The following ADARB1 variants were observed in gnomAD, a reference collection of about 807,000 sequenced individuals.
ADARB1 encodes adenosine deaminase RNA specific B1.
In ADARB1, 10 loss-of-function variants were observed where a neutral mutation model predicts 52.4. The ratio of observed to expected loss-of-function variants is 0.19; its 90% CI spans 0.12 to 0.32. ADARB1 has a LOEUF of 0.32. Among genes scored for constraint, ADARB1 ranks in the 10% least tolerant of loss-of-function variants. The probability of loss-of-function intolerance (pLI) is 1.00; values close to 1 mark genes in which losing one functional copy is unlikely to be tolerated. For synonymous variants in ADARB1, 349 were observed against 371.1 expected (o/e 0.94, Z 0.68); for missense variants, 643 against 922.3 (o/e 0.70, Z 3.92).
chr21:45,121,162 G>T (rs183567202), intron 1 of ADARB1, among the ~76,000 whole-genome samples: 1 of 151,780 alleles, frequency 6.6e-6, no homozygotes, highest in African/African-American at 2.4e-5. Context: ...TTTTTTGTTC[G>T]CTGGAACGGT....
chr21:45,074,620 G>GGCGGCA lies in ADARB1; in HGVS notation c.-391_-390insGGCAGC. On this transcript the variant is annotated 5_prime_UTR_variant, in exon 1 of 11. Coordinates refer to ENST00000348831, the MANE Select transcript of ADARB1 (RefSeq NM_001112.4). ...CCGTGGCGGCGGCGGCGGCGGCGGC[G>GGCGGCA]GCAGCGGCGGCCAAGCGGCCAGGTT... is the stretch of plus-strand genomic sequence containing the variant. The GGCGGCA allele has an allele frequency of 6.7e-6, 1 of 149,074 alleles. No individual in the cohort carries two copies. Among genetic ancestry groups the GGCGGCA allele is most frequent in the Non-Finnish European group, 1.5e-5 (1 of 68,340 alleles). 9.2% of individuals were successfully genotyped at this position (149,074 alleles called of 1,614,324 possible).
At chr21:45,206,913 A>C (rs2092678926) in intron 9 of ADARB1, among the ~76,000 whole-genome samples, 1 of 152,130 alleles carries the variant, frequency 6.6e-6, no homozygotes, top group South Asian at 2.1e-4. Flanking sequence ...GCACATTACC[A>C]AACCCCTCCC....
chr21:45,075,773 T>A (rs895122640), intron 1 of ADARB1, among the ~76,000 whole-genome samples: 5 of 152,212 alleles, frequency 3.3e-5, no homozygotes, highest in Non-Finnish European at 7.3e-5. Context: ...TGGTGTTTAG[T>A]TCCCAGTTAA....
chr21:45,158,238 TG>T (rs1464071154), intron 2 of ADARB1, among the ~76,000 whole-genome samples: 5 of 150,036 alleles, frequency 3.3e-5, no homozygotes, highest in Non-Finnish European at 7.4e-5. Context: ...CTTCTCGGGT[TG>T]GGGCGGGAGG....
rs1035911028 is a variant in ADARB1, at chr21:45,097,548, G to A, written c.-220+22755G>A. ...GGAGAACAGGTGGAGAGCAGACGCCGAGGGGCCGCTGTCCAGGCAGGAGTG... is the reference window on the plus strand; with the variant it reads ...GGAGAACAGGTGGAGAGCAGACGCCAAGGGGCCGCTGTCCAGGCAGGAGTG... On this transcript the variant is annotated intron_variant, in intron 1 of 10. Coordinates refer to ENST00000348831, the MANE Select transcript of ADARB1 (RefSeq NM_001112.4). 2.4e-4 allele frequency among the ~76,000 whole-genome samples: 37 copies of A among 152,136 alleles called. 1 individual carries two copies. Among genetic ancestry groups the A allele is most frequent in the African/African-American group, 7.7e-4 (32 of 41,500 alleles).
At chr21:45,168,330 A>G (rs1371923946) in intron 2 of ADARB1, among the ~76,000 whole-genome samples, 8 of 152,006 alleles carry the variant, frequency 5.3e-5, no homozygotes, top group Non-Finnish European at 7.4e-5. Flanking sequence ...TTTAACTTCC[A>G]GTTTATCAGT....
intron 2 of ADARB1, among the ~76,000 whole-genome samples, chr21:45,155,715 T>C (rs2145978706): frequency 6.8e-6 from 1 of 146,354 alleles, no homozygotes; most frequent in Non-Finnish European, 1.5e-5. Context: ...ACCCATCTAT[T>C]CATCCATCCA....
chr21:45,187,181 T>C (rs1456212589), intron 8 of ADARB1, among the ~76,000 whole-genome samples: 3 of 152,238 alleles, frequency 2.0e-5, no homozygotes, highest in Non-Finnish European at 4.4e-5. Context: ...TTTATTTGTA[T>C]CTTCATTTCT....
chr21:45,192,439 C>T (rs566591145), intron 8 of ADARB1, among the ~76,000 whole-genome samples: 2 of 152,292 alleles, frequency 1.3e-5, no homozygotes, highest in South Asian at 4.2e-4. Context: ...GAATCTGAGC[C>T]TGTCATGTGG....
chr21:45,096,900 C>T lies in ADARB1; in HGVS notation c.-220+22107C>T, dbSNP rs549700523. 1.2e-3 allele frequency among the ~76,000 whole-genome samples: 189 copies of T among 152,270 alleles called. 1 individual carries two copies. Among genetic ancestry groups the T allele is most frequent in the Admixed American group, 3.9e-3 (60 of 15,292 alleles). On this transcript the variant is annotated intron_variant, in intron 1 of 10. Coordinates refer to ENST00000348831, the MANE Select transcript of ADARB1 (RefSeq NM_001112.4). ...AACCACAGGCGCCTGCCACCACGCC[C>T]GGCTAATTTTTTGTATTTTTAGTAG...
intron 1 of ADARB1, among the ~76,000 whole-genome samples, chr21:45,091,429 T>C (rs2086557516): frequency 6.6e-6 from 1 of 152,230 alleles, no homozygotes; most frequent in Non-Finnish European, 1.5e-5. Context: ...GTTGTAATAC[T>C]ACAGTTTGGT....
chr21:45,117,342 A>G (rs2087888298), intron 1 of ADARB1, among the ~76,000 whole-genome samples: 1 of 152,188 alleles, frequency 6.6e-6, no homozygotes. Context: ...GTGTGTGTGT[A>G]CATAGGAAAA....
Position 45,223,510 on chromosome 21 carries a change from G to T in ADARB1, c.*1313G>T, listed in dbSNP as rs2093001608. 1.0e-6 allele frequency: 1 copy of T among 985,546 alleles called. No individual in the cohort carries two copies. The highest frequency in any genetic ancestry group is 6.1e-5 in the Admixed American group (1 of 16,276). The allele number at this position is 985,546 out of a possible 1,614,324, so 61.1% of individuals were successfully genotyped here. Reference sequence around the variant, plus strand: ...CTTGTTGCCTCCGCTCAGGATGAAAGAGGAGCTGAGAGAAGTGCTCTGCCT... The same window carrying T: ...CTTGTTGCCTCCGCTCAGGATGAAATAGGAGCTGAGAGAAGTGCTCTGCCT... On this transcript the variant is annotated 3_prime_UTR_variant, in exon 11 of 11. Transcript: ENST00000348831.
At chr21:45,195,524 T>C (rs141679054) in intron 8 of ADARB1, among the ~76,000 whole-genome samples, 19 of 152,292 alleles carry the variant, frequency 1.2e-4, no homozygotes, top group Non-Finnish European at 2.5e-4. Context: ...CTTCTAGGAA[T>C]TTTATAGTTT....
intron 1 of ADARB1, among the ~76,000 whole-genome samples, chr21:45,125,854 T>A (rs1045803346): frequency 1.3e-5 from 2 of 152,240 alleles, no homozygotes; most frequent in African/African-American, 4.8e-5. Context: ...ACTAGTTCCC[T>A]TTTTCTGTTT....
chr21:45,148,136 C>T lies in ADARB1; in HGVS notation c.-48+19563C>T, dbSNP rs566826110. Among the ~76,000 whole-genome samples, 13 of 152,330 alleles carry T rather than the reference C, an allele frequency of 8.5e-5. No homozygotes were observed. The South Asian group carries it at 1.9e-3, about 22-fold the overall frequency. On this transcript the variant is annotated intron_variant, in intron 2 of 10. Coordinates refer to ENST00000348831, the MANE Select transcript of ADARB1 (RefSeq NM_001112.4). The stretch of plus-strand genomic sequence containing the variant: ...GCTTCCCCGAGGATCCTGCCCCAGA[C>T]GTGGGGGCAGCCTTTGCAGACAGCT...
chr21:45,171,890 A>C (rs764111661), intron 3 of ADARB1: 3 of 559,818 alleles, frequency 5.4e-6, no homozygotes, highest in Non-Finnish European at 9.4e-6. Context: ...CTTCCTCGTT[A>C]TCGTCGTGGG....
intron 2 of ADARB1, among the ~76,000 whole-genome samples, chr21:45,131,251 G>A (rs2088914157): frequency 6.6e-6 from 1 of 152,204 alleles, no homozygotes; most frequent in African/African-American, 2.4e-5. Flanking sequence ...CAGATGTGGG[G>A]TAGGTACTGA....
At chr21:45,129,945 G>A (rs1446033684) in intron 2 of ADARB1, among the ~76,000 whole-genome samples, 4 of 152,298 alleles carry the variant, frequency 2.6e-5, no homozygotes, top group Middle Eastern at 3.4e-3. Context: ...ATCTTCAACC[G>A]ATGCTTTTTT....
Sources: allele counts gnomAD v4.1 joint callset (sites outside exome capture counted in the v4.1 genomes callset), GRCh38; gene constraint gnomAD v4.1.1; transcripts MANE v1.5; gene names NCBI Gene and HGNC (gene_info 2026-07-23, HGNC 2026-07-21).